The following CR2 variants were observed in gnomAD, a reference collection of about 807,000 sequenced individuals.
CR2 encodes complement receptor type 2.
Under a neutral mutation model 123.0 loss-of-function variants are expected in CR2, and 96 were observed. That is an observed-to-expected ratio of 0.78 (90% CI 0.66 to 0.93). The LOEUF (loss-of-function observed/expected upper bound fraction) is 0.93, where lower values mean the gene tolerates loss of function less well. Among genes scored for constraint, CR2 ranks in the 40% least tolerant of loss-of-function variants. CR2 has a pLI of 0.00. For missense variants in CR2, 1,258 were observed against 1,361.0 expected, an observed-to-expected ratio of 0.92 and a Z score of 1.19; for synonymous variants, 484 against 469.5, an observed-to-expected ratio of 1.03 and a Z score of -0.40.
intron 6 of CR2, 45 bp from the exon 7 acceptor site, chr1:207,470,695 T>C (rs1038638960): frequency 1.2e-5 from 19 of 1,581,906 alleles, no homozygotes; most frequent in Non-Finnish European, 1.6e-5. Context: ...CTTTCTGTGG[T>C]TGTTTACTTA....
At chr1:207,455,060 A>G (rs1165151125) in intron 1 of CR2, 5 of 152,332 alleles carry the variant, frequency 3.3e-5, no homozygotes, top group African/African-American at 1.2e-4. Context: ...TGAGACATGG[A>G]TTAAAACTAT....
chr1:207,464,212 A>T (rs1056855616), intron 1 of CR2, among the ~76,000 whole-genome samples: 1 of 152,212 alleles, frequency 6.6e-6, no homozygotes, highest in Non-Finnish European at 1.5e-5. Context: ...AGCCAGTTCC[A>T]TATATCTTTT....
Position 207,473,612 on chromosome 1 carries a change from T to A in CR2, c.2046T>A (p.Ser682=). The A allele has an allele frequency of 6.2e-7, 1 of 1,613,998 alleles. No individual in the cohort carries two copies. The highest frequency in any genetic ancestry group is 1.7e-5 in the Admixed American group (1 of 59,998). The change falls in exon 11 of 20, where the codon TCT becomes TCA. Residue 682 remains serine, a synonymous_variant. Coordinates refer to ENST00000367057, the MANE Select transcript of CR2 (RefSeq NM_001006658.3). ...HTGGNTVFFV[S]GMTVDYTCDP... is the part of the protein sequence containing the mutation. Reference sequence around the variant, plus strand: ...GTGGAAATACGGTCTTCTTTGTCTCTGGGATGACTGTAGACTACACTTGTG... The same window carrying A: ...GTGGAAATACGGTCTTCTTTGTCTCAGGGATGACTGTAGACTACACTTGTG...
At chr1:207,459,575 C>A (rs949786171) in intron 1 of CR2, among the ~76,000 whole-genome samples, 3 of 152,106 alleles carry the variant, frequency 2.0e-5, no homozygotes, top group Non-Finnish European at 4.4e-5. Flanking sequence ...AGTCCCTGGG[C>A]CCAAGTAATT....
At chr1:207,475,936 G>C (rs977893806) in intron 14 of CR2, among the ~76,000 whole-genome samples, 21 of 152,204 alleles carry the variant, frequency 1.4e-4, no homozygotes, top group Non-Finnish European at 2.8e-4. Flanking sequence ...AACCATGTCT[G>C]CTATTTAAAG....
intron 16 of CR2, among the ~76,000 whole-genome samples, chr1:207,478,525 C>CA (rs36116544): frequency 0.036 from 2,110 of 58,680 alleles, 63 homozygotes; most frequent in African/African-American, 0.06. Context: ...AAGACCCTAT[C>CA]AAAAAAAAAA....
intron 18 of CR2, among the ~76,000 whole-genome samples, chr1:207,484,495 T>C (rs529717046): frequency 1.4e-3 from 207 of 152,368 alleles, no homozygotes; most frequent in African/African-American, 4.4e-3. Flanking sequence ...TGAAAGACAC[T>C]ATGCTATTCT....
Position 207,475,155 on chromosome 1 carries a change from C to T in CR2, c.2655C>T (p.Arg885=), listed in dbSNP as rs754951032. The change falls in exon 14 of 20, where the codon CGC becomes CGT. Residue 885 remains arginine, a synonymous_variant. Coordinates refer to ENST00000367057, the MANE Select transcript of CR2 (RefSeq NM_001006658.3). ...CNPGFIMNGS[R]VIRCHTDNTW... ...CTGGCTTCATCATGAATGGTAGTCG[C>T]GTGATTAGGTGTCATACTGATAACA... The T allele has an allele frequency of 1.9e-5, 30 of 1,612,740 alleles. No homozygotes were observed. The highest frequency in any genetic ancestry group is 3.3e-4 in the Middle Eastern group (2 of 6,050).
In CR2 at chr1:207,479,848, T is replaced by A; in HGVS notation, c.3113-130T>A. On this transcript the variant is annotated intron_variant, in intron 17 of 19. Coordinates refer to ENST00000367057, the MANE Select transcript of CR2 (RefSeq NM_001006658.3). ...TATGATTATTCAGGAATTCAGCATTTATGTCCAAGAAGAGTTAAGTATGAG... is the reference window on the plus strand; with the variant it reads ...TATGATTATTCAGGAATTCAGCATTAATGTCCAAGAAGAGTTAAGTATGAG... The A allele has an allele frequency of 9.7e-6, 7 of 720,756 alleles. No homozygotes were observed. The South Asian group carries it at 1.1e-4, about 11-fold the overall frequency. 44.6% of individuals were successfully genotyped at this position (720,756 alleles called of 1,614,324 possible). A position where few individuals can be genotyped will look rare whatever the true frequency, so the allele number is the denominator to read the frequency against.
intron 2 of CR2, among the ~76,000 whole-genome samples, chr1:207,467,372 A>G (rs912004138): frequency 1.3e-5 from 2 of 152,134 alleles, no homozygotes; most frequent in African/African-American, 4.8e-5. Context: ...CTCTGTAAAC[A>G]TGTTTTGAAG....
chr1:207,478,525 C>CAAAAAAAA (rs36116544), intron 16 of CR2, among the ~76,000 whole-genome samples: 99 of 58,628 alleles, frequency 1.7e-3, no homozygotes, highest in Non-Finnish European at 2.3e-3. Flanking sequence ...AAGACCCTAT[C>CAAAAAAAA]AAAAAAAAAA....
chr1:207,458,061 C>CACACACACACACACACACACACACAT (rs1354609626), intron 1 of CR2, among the ~76,000 whole-genome samples: 3 of 135,136 alleles, frequency 2.2e-5, no homozygotes, highest in Non-Finnish European at 4.5e-5. Flanking sequence ...AAGGCCACAA[C>CACACACACACACACACACACACACAT]ACACACACAC....
At chr1:207,457,834 CTCT>C (rs1462452323) in intron 1 of CR2, among the ~76,000 whole-genome samples, 2 of 151,900 alleles carry the variant, frequency 1.3e-5, no homozygotes, top group African/African-American at 4.8e-5. Context: ...AGCCCTGAGC[CTCT>C]TCTTTCTTCA....
Position 207,484,814 on chromosome 1 carries a change from C to T in CR2, c.3189-650C>T, listed in dbSNP as rs187921077. On this transcript the variant is annotated intron_variant, in intron 18 of 19. Coordinates refer to ENST00000367057, the MANE Select transcript of CR2 (RefSeq NM_001006658.3). ...AAAGTAAAAACATTCTCTTCAAACT[C>T]GTTTAAAGCTTTTAAGTCAGACTAG... is the stretch of plus-strand genomic sequence containing the variant. Among the ~76,000 whole-genome samples, 299 of 152,284 alleles carry T rather than the reference C, an allele frequency of 2.0e-3. 1 individual carries two copies. Among genetic ancestry groups the T allele is most frequent in the South Asian group, 5.8e-3 (28 of 4,820 alleles).
chr1:207,460,240 G>A (rs1237040135), intron 1 of CR2, among the ~76,000 whole-genome samples: 2 of 152,188 alleles, frequency 1.3e-5, no homozygotes, highest in Non-Finnish European at 2.9e-5. Context: ...TTTGCACAGA[G>A]TAAGCACTTG....
At chr1:207,479,912 C>T in intron 17 of CR2, 66 bp from the exon 18 acceptor site, 1 of 1,191,298 alleles carries the variant, frequency 8.4e-7, no homozygotes, top group Non-Finnish European at 1.3e-6. Flanking sequence ...ATAGGCCCTG[C>T]AATCAGTCAG....
chr1:207,482,228 A>G (rs571266180), intron 18 of CR2, among the ~76,000 whole-genome samples: 18 of 152,274 alleles, frequency 1.2e-4, no homozygotes, highest in South Asian at 2.1e-4. Flanking sequence ...TTATATCACT[A>G]TAAATATTTG....
At position 207,462,554 on chromosome 1, in the gene CR2, C is replaced by A. The variant is rs142270195; in HGVS notation, c.59-3972C>A. On this transcript the variant is annotated intron_variant, in intron 1 of 19. Coordinates refer to ENST00000367057, the MANE Select transcript of CR2 (RefSeq NM_001006658.3). The stretch of plus-strand genomic sequence containing the variant: ...TTTTAAATGTGCAGAGTGGCATGAC[C>A]ACATTTGTGTTTTAGAAAGATAAAT... Among the ~76,000 whole-genome samples the A allele has an allele frequency of 4.5e-3, 690 of 152,202 alleles. 3 individuals are homozygous for A. Among genetic ancestry groups the A allele is most frequent in the African/African-American group, 0.012 (492 of 41,514 alleles).
chr1:207,475,257 G>A (rs914903846), intron 14 of CR2, 41 bp downstream of exon 14: 8 of 1,604,800 alleles, frequency 5.0e-6, no homozygotes, highest in Middle Eastern at 1.7e-4. Flanking sequence ...ATGTTGTACA[G>A]AATAAAGAAA....
Sources: allele counts gnomAD v4.1 joint callset (sites outside exome capture counted in the v4.1 genomes callset), GRCh38; gene constraint gnomAD v4.1.1; transcripts MANE v1.5; gene names NCBI Gene and HGNC (gene_info 2026-07-23, HGNC 2026-07-21).